FZD6: variants seen among roughly 807,000 people sequenced by gnomAD.
FZD6 encodes the protein frizzled class receptor 6, also known as frizzled-6.
Under a neutral mutation model 61.4 loss-of-function variants are expected in FZD6, and 49 were observed. The observed-to-expected ratio is 0.80, with a 90% CI of 0.63 to 1.01. FZD6 has a LOEUF of 1.01. Ranked by LOEUF, FZD6 falls within the 50% of genes least tolerant of loss-of-function variation. The pLI is 0.00. For missense variants in FZD6, 724 were observed against 848.2 expected (o/e 0.85, Z 1.82); for synonymous variants, 265 against 292.2 (o/e 0.91, Z 0.95).
chr8:103,327,705 T>C (rs1282040231), intron 4 of FZD6, among the ~76,000 whole-genome samples: 2 of 152,060 alleles, frequency 1.3e-5, no homozygotes, highest in Non-Finnish European at 2.9e-5. Context: ...AAATGCAGAG[T>C]ATGTAATATC....
intron 2 of FZD6, among the ~76,000 whole-genome samples, chr8:103,309,697 G>A (rs969175014): frequency 1.3e-5 from 2 of 152,132 alleles, no homozygotes; most frequent in South Asian, 2.1e-4. Flanking sequence ...AAATTGCAGT[G>A]GGTTGGATTT....
At chr8:103,304,691 G>GC (rs1446122223) in intron 2 of FZD6, among the ~76,000 whole-genome samples, 2 of 152,192 alleles carry the variant, frequency 1.3e-5, no homozygotes, top group Non-Finnish European at 2.9e-5. Flanking sequence ...CAGGCAGTGG[G>GC]CTATATTTGG....
chr8:103,309,043 G>C (rs1297474366), intron 2 of FZD6, among the ~76,000 whole-genome samples: 1 of 152,176 alleles, frequency 6.6e-6, no homozygotes, highest in Non-Finnish European at 1.5e-5. Context: ...CAGAGCTGAA[G>C]AGCTGATGAT....
At chr8:103,316,330 C>T (rs1217239412) in intron 2 of FZD6, among the ~76,000 whole-genome samples, 1 of 152,164 alleles carries the variant, frequency 6.6e-6, no homozygotes, top group African/African-American at 2.4e-5. Flanking sequence ...CCGCTCCTTT[C>T]CCTTGGAGAC....
chr8:103,329,163 AT>A (rs1476141479), intron 5 of FZD6, among the ~76,000 whole-genome samples: 1 of 150,710 alleles, frequency 6.6e-6, no homozygotes, highest in African/African-American at 2.4e-5. Flanking sequence ...ATTCAACTGG[AT>A]TTTTTTGCAC....
chr8:103,299,971 T>G lies in FZD6; in HGVS notation c.-137T>G. ...GTTTTTACAGTAATTGACCCAGGAC[T>G]CATTTTCAGGAAAGCCTGAAAATGA... On this transcript the variant is annotated 5_prime_UTR_variant, in exon 2 of 7. Transcript: ENST00000358755. The G allele has an allele frequency of 4.5e-6, 3 of 673,058 alleles. No individual in the cohort carries two copies. Among genetic ancestry groups the G allele is most frequent in the Non-Finnish European group, 8.1e-6 (3 of 369,504 alleles). The allele number at this position is 673,058 out of a possible 1,614,324, so 41.7% of individuals were successfully genotyped here.
intron 5 of FZD6, 74 bp from the exon 6 acceptor site, chr8:103,329,581 G>A: frequency 9.0e-7 from 1 of 1,105,890 alleles, no homozygotes; most frequent in Non-Finnish European, 1.3e-6. Flanking sequence ...AAAGATATGT[G>A]ATATCCTTTA....
chr8:103,299,071 G>C (rs1814064479), intron 1 of FZD6, 76 bp downstream of exon 1: 2 of 152,630 alleles, frequency 1.3e-5, no homozygotes, highest in Non-Finnish European at 2.9e-5. Context: ...CGAGGGGCGA[G>C]GGGCCGCGGC....
intron 1 of FZD6, among the ~76,000 whole-genome samples, chr8:103,299,482 A>G (rs1814086242): frequency 6.6e-6 from 1 of 152,212 alleles, no homozygotes; most frequent in Non-Finnish European, 1.5e-5. Context: ...TGGCCTTACG[A>G]AAATCGAGAA....
rs1814149898 is a variant in FZD6 at position 103,300,909 on chromosome 8, C to G, written c.177+625C>G. Among the ~76,000 whole-genome samples, 3 of 152,106 alleles carry G rather than the reference C, an allele frequency of 2.0e-5. No homozygotes were observed. The South Asian group carries it at 6.2e-4, about 32-fold the overall frequency. On this transcript the variant is annotated intron_variant, in intron 2 of 6. Transcript: ENST00000358755. Reference sequence around the variant, plus strand: ...CCTTAGGTGCCTTAGTTACCTGTCTCTGGTTTAGAGATATGCAAATTACTA... The same window carrying G: ...CCTTAGGTGCCTTAGTTACCTGTCTGTGGTTTAGAGATATGCAAATTACTA...
rs1431108239 is a variant in FZD6 at position 103,324,358 on chromosome 8, T to C, written c.375-123T>C. 3 of 620,820 alleles carry C rather than the reference T, an allele frequency of 4.8e-6. No individual in the cohort carries two copies. In the African/African-American group the frequency reaches 5.5e-5, roughly 11 times the overall value. The allele number at this position is 620,820 out of a possible 1,614,324, so 38.5% of individuals were successfully genotyped here. A position where few individuals can be genotyped will look rare whatever the true frequency, so the allele number is the denominator to read the frequency against. On this transcript the variant is annotated intron_variant, in intron 3 of 6. Transcript: ENST00000358755. Reference sequence around the variant, plus strand: ...ACTCTTATCTGTAATCCATTTAGATTTGTATCTCTTCCCATCAATCATGAA... The same window carrying C: ...ACTCTTATCTGTAATCCATTTAGATCTGTATCTCTTCCCATCAATCATGAA...
intron 2 of FZD6, among the ~76,000 whole-genome samples, chr8:103,314,014 T>C (rs1288467115): frequency 6.6e-6 from 1 of 152,126 alleles, no homozygotes; most frequent in Non-Finnish European, 1.5e-5. Flanking sequence ...GCATTTTCAT[T>C]TACCTGCCTG....
intron 5 of FZD6, 38 bp downstream of exon 5, chr8:103,328,454 T>C: frequency 7.0e-7 from 1 of 1,425,422 alleles, no homozygotes; most frequent in East Asian, 2.3e-5. Flanking sequence ...AATTTTTAAA[T>C]AAATAGATCA....
At position 103,324,591 on chromosome 8, in the gene FZD6, C is replaced by T. The variant is rs1170004620; in HGVS notation, c.485C>T (p.Pro162Leu). 6.2e-7 allele frequency: 1 copy of T among 1,613,954 alleles called. No homozygotes were observed. The highest frequency in any genetic ancestry group is 2.2e-5 in the East Asian group (1 of 44,888). Residue 162 changes from proline (P) to leucine (L), a missense_variant, in exon 4 of 7, where the codon CCA (proline) becomes CTA (leucine). Coordinates refer to ENST00000358755, the MANE Select transcript of FZD6 (RefSeq NM_003506.4). ...CAAAGAGACATTGGATTTTGGTGTC[C>T]AAGGCATCTTAAGACTTCTGGGGGA... ...QVQRDIGFWCPRHLKTSGGQG... is the reference protein window; with the variant it reads ...QVQRDIGFWCLRHLKTSGGQG...
intron 2 of FZD6, among the ~76,000 whole-genome samples, 161 bp from the exon 3 acceptor site, chr8:103,318,428 AG>A (rs1814690425): frequency 6.6e-6 from 1 of 152,214 alleles, no homozygotes; most frequent in Non-Finnish European, 1.5e-5. Flanking sequence ...ATAAAATAGT[AG>A]TATCCCATTG....
In FZD6 at chr8:103,328,376, A is replaced by G; in HGVS notation, c.1501A>G (p.Thr501Ala). ...VFWVGSKKTCTEWAGFFKRNR... is the reference protein window; with the variant it reads ...VFWVGSKKTCAEWAGFFKRNR... ...CTGGGTTGGAAGCAAAAAGACATGC[A>G]CAGAATGGGCTGGGTTTTTTAAACG... Residue 501 changes from threonine to alanine, a missense_variant, in exon 5 of 7, where the codon ACA becomes GCA. Transcript: ENST00000358755. 3.7e-6 allele frequency: 6 copies of G among 1,613,024 alleles called. No individual in the cohort carries two copies. The highest frequency in any genetic ancestry group is 5.1e-6 in the Non-Finnish European group (6 of 1,179,096).
In FZD6 at chr8:103,300,271, C is replaced by T. The variant is rs571735437; in HGVS notation, c.164C>T (p.Ala55Val). The change falls in exon 2 of 7, where the codon GCG becomes GTG. Residue 55 changes from alanine to valine, a missense_variant. Coordinates refer to ENST00000358755, the MANE Select transcript of FZD6 (RefSeq NM_003506.4). ...LMGHYDQSIA[A>V]VEMEHFLPLA... Reference sequence around the variant, plus strand: ...GGTCATTATGACCAGAGTATTGCCGCGGTGGAAATGGAGGTGAGTAGTGCT... The same window carrying T: ...GGTCATTATGACCAGAGTATTGCCGTGGTGGAAATGGAGGTGAGTAGTGCT... 1.2e-6 allele frequency: 2 copies of T among 1,608,892 alleles called. No homozygotes were observed. The highest frequency in any genetic ancestry group is 1.1e-5 in the South Asian group (1 of 90,962).
chr8:103,318,634 A>G lies in FZD6; in HGVS notation c.222A>G (p.Glu74=), dbSNP rs1399642503. Residue 74 remains glutamate, a synonymous_variant, in exon 3 of 7, where the codon GAA becomes GAG. Transcript: ENST00000358755. ...LANLECSPNI[E]TFLCKAFVPT... is the part of the protein sequence containing the mutation. The stretch of plus-strand genomic sequence containing the variant: ...ATCTGGAATGTTCACCAAACATTGA[A>G]ACTTTCCTCTGCAAAGCATTTGTAC... The G allele has an allele frequency of 6.2e-7, 1 of 1,611,924 alleles. No individual in the cohort carries two copies. The highest frequency in any genetic ancestry group is 1.1e-5 in the South Asian group (1 of 91,028).
chr8:103,325,563 A>T (rs1464852110), intron 4 of FZD6, 65 bp downstream of exon 4: 19 of 1,283,596 alleles, frequency 1.5e-5, no homozygotes, highest in Non-Finnish European at 1.8e-5. Context: ...TCATGGAAAT[A>T]TACTTGTCAT....
Sources: allele counts gnomAD v4.1 joint callset (sites outside exome capture counted in the v4.1 genomes callset), GRCh38; gene constraint gnomAD v4.1.1; transcripts MANE v1.5; gene names NCBI Gene and HGNC (gene_info 2026-07-23, HGNC 2026-07-21).